DNAH11: variants seen among roughly 807,000 people sequenced by gnomAD.
DNAH11 encodes dynein axonemal heavy chain 11, also known as axonemal beta dynein heavy chain 11.
A neutral mutation model predicts 526.0 loss-of-function variants in DNAH11; 442 were observed. That is an observed-to-expected ratio of 0.84 (90% CI 0.78 to 0.91). DNAH11 has a LOEUF of 0.91. DNAH11 is among the 40% of genes least tolerant of loss of function. DNAH11 has a pLI of 0.00. For synonymous variants in DNAH11, 2,461 were observed against 1,935.9 expected, an observed-to-expected ratio of 1.27 and a Z score of -7.12; for missense variants, 6,989 against 5,448.7, an observed-to-expected ratio of 1.28 and a Z score of -8.90.
Position 21,591,574 on chromosome 7 carries a change from C to G in DNAH11, c.2664C>G (p.Val888=). 6.4e-7 allele frequency: 1 copy of G among 1,554,666 alleles called. No homozygotes were observed. The highest frequency in any genetic ancestry group is 8.7e-7 in the Non-Finnish European group (1 of 1,147,308). ...QGDGCKIHNL[V]EENRKLFKAN... ...ATGGCTGCAAGATCCACAACTTGGT[C>G]GAGGTAATGGCTTTTAACCTTTCAA... Residue 888 remains valine (V), a synonymous_variant, in exon 14 of 82, where the codon GTC becomes GTG. Coordinates refer to ENST00000409508, the MANE Select transcript of DNAH11 (RefSeq NM_001277115.2).
Position 21,901,355 on chromosome 7 carries a change from C to T in DNAH11, c.*101C>T. The T allele has an allele frequency of 1.5e-6, 2 of 1,375,158 alleles. No homozygotes were observed. The highest frequency in any genetic ancestry group is 1.9e-6 in the Non-Finnish European group (2 of 1,053,728). 85.2% of individuals were successfully genotyped at this position (1,375,158 alleles called of 1,614,324 possible). On this transcript the variant is annotated 3_prime_UTR_variant, in exon 82 of 82. Coordinates refer to ENST00000409508, the MANE Select transcript of DNAH11 (RefSeq NM_001277115.2). ...GCACATTATTCTAACTTTTTAGTAA[C>T]TCACACGTGCATTCTTTTTTCAACG... is the stretch of plus-strand genomic sequence containing the variant.
intron 40 of DNAH11, among the ~76,000 whole-genome samples, chr7:21,708,632 G>A (rs114866100): frequency 0.017 from 2,563 of 152,050 alleles, 69 homozygotes; most frequent in African/African-American, 0.059. Context: ...CCCTGCCCCC[G>A]TCCCCAAATC....
At chr7:21,670,297 T>C (rs1438139265) in intron 30 of DNAH11, among the ~76,000 whole-genome samples, 1 of 152,018 alleles carries the variant, frequency 6.6e-6, no homozygotes, top group East Asian at 1.9e-4. Context: ...TTTATTCTAT[T>C]TTATATAATA....
rs770327227 is a variant in DNAH11 at position 21,739,655 on chromosome 7, C to T, written c.7896C>T (p.Thr2632=). The T allele has an allele frequency of 1.1e-5, 17 of 1,612,552 alleles. 1 individual carries two copies. In the South Asian group the frequency reaches 1.5e-4, roughly 15 times the overall value. Residue 2632 remains threonine (T), a synonymous_variant, in exon 48 of 82, where the codon ACC becomes ACT. Coordinates refer to ENST00000409508, the MANE Select transcript of DNAH11 (RefSeq NM_001277115.2). ...TGAATCCGATGGTGGGCAGCTTCAC[C>T]ATCAATCCCAGGCTACAGGTAGGGT... ...ACMNPMVGSF[T]INPRLQRHFT...
chr7:21,598,306 C>T (rs914573725), intron 14 of DNAH11, among the ~76,000 whole-genome samples: 1 of 152,142 alleles, frequency 6.6e-6, no homozygotes, highest in Non-Finnish European at 1.5e-5. Flanking sequence ...GCCACTCAGC[C>T]TCTCTAGAAT....
In DNAH11 at chr7:21,866,471, C is replaced by T. The variant is rs373626566; in HGVS notation, c.11498C>T (p.Ala3833Val). 23 of 1,609,022 alleles carry T rather than the reference C, an allele frequency of 1.4e-5. No homozygotes were observed. The African/African-American group carries it at 2.1e-4, about 15-fold the overall frequency. ...ACTTGTTTCCCTATCATATTACAGG[C>T]AATTGCCGTCATGGAAGAATTTCGA... is the stretch of plus-strand genomic sequence containing the variant. Reference protein sequence around the residue: ...LTSQSWSAIKAIAVMEEFRGI... With the variant: ...LTSQSWSAIKVIAVMEEFRGI... Residue 3833 changes from alanine to valine, a missense_variant and splice_region_variant, in exon 71 of 82, where the codon GCA becomes GTA. Transcript: ENST00000409508.
intron 56 of DNAH11, among the ~76,000 whole-genome samples, chr7:21,775,675 C>G (rs1168475238): frequency 6.6e-6 from 1 of 151,602 alleles, no homozygotes; most frequent in Admixed American, 6.6e-5. Context: ...ATTTTACTTT[C>G]TTAACTTTTG....
intron 45 of DNAH11, among the ~76,000 whole-genome samples, 159 bp downstream of exon 45, chr7:21,726,143 A>T (rs1261447960): frequency 1.3e-5 from 2 of 152,212 alleles, no homozygotes; most frequent in African/African-American, 4.8e-5. Context: ...GCTTCTGGGA[A>T]GGCCTCAGAA....
chr7:21,597,197 T>C (rs1784893752), intron 14 of DNAH11, among the ~76,000 whole-genome samples: 2 of 152,152 alleles, frequency 1.3e-5, no homozygotes, highest in Non-Finnish European at 2.9e-5. Context: ...TTTATCCGAA[T>C]GTGCTGAAGA....
Position 21,600,825 on chromosome 7 carries a change from G to A in DNAH11, c.3150G>A (p.Lys1050=). 1 of 1,613,918 alleles carries A rather than the reference G, an allele frequency of 6.2e-7. No individual in the cohort carries two copies. Reference sequence around the variant, plus strand: ...TGGATGATCGAGCTGAGTTTATGAAGCATTTTCTCTTGTATGGCCATGCTG... The same window carrying A: ...TGGATGATCGAGCTGAGTTTATGAAACATTTTCTCTTGTATGGCCATGCTG... ...LWVDDRAEFM[K]HFLLYGHAVS... The change falls in exon 16 of 82, where the codon AAG becomes AAA. Residue 1050 remains lysine, a synonymous_variant. Transcript: ENST00000409508.
At position 21,901,358 on chromosome 7, in the gene DNAH11, ACACGTGCATT is replaced by A; in HGVS notation, c.*106_*115del. The A allele has an allele frequency of 1.5e-6, 2 of 1,369,946 alleles. No individual in the cohort carries two copies. The highest frequency in any genetic ancestry group is 1.9e-6 in the Non-Finnish European group (2 of 1,050,572). The allele number at this position is 1,369,946 out of a possible 1,614,324, so 84.9% of individuals were successfully genotyped here. On this transcript the variant is annotated 3_prime_UTR_variant, in exon 82 of 82. Transcript: ENST00000409508. ...CATTATTCTAACTTTTTAGTAACTCACACGTGCATTCTTTTTTCAACGCTATCCTTAGAGT... is the reference window on the plus strand; with the variant it reads ...CATTATTCTAACTTTTTAGTAACTCACTTTTTTCAACGCTATCCTTAGAGT...
intron 28 of DNAH11, among the ~76,000 whole-genome samples, chr7:21,643,086 A>G (rs969536746): frequency 2.6e-5 from 4 of 152,200 alleles, no homozygotes; most frequent in Admixed American, 1.3e-4. Flanking sequence ...TAAAACTTAA[A>G]GGTGTATTTG....
chr7:21,852,514 T>C lies in DNAH11; in HGVS notation c.10944T>C (p.Tyr3648=), dbSNP rs760969439. 15 of 1,613,548 alleles carry C rather than the reference T, an allele frequency of 9.3e-6. No homozygotes were observed. In the South Asian group the frequency reaches 1.5e-4, roughly 17 times the overall value. ...ATGATTTTAAAATTGAGCTCAAGTA[T>C]CTGGAAGACGATCTCCTTTTGCGCC... The part of the protein sequence containing the change: ...HQNDFKIELK[Y]LEDDLLLRLS... Residue 3648 remains tyrosine (Y), a synonymous_variant, in exon 67 of 82, where the codon TAT becomes TAC. Transcript: ENST00000409508.
chr7:21,670,482 A>G (rs1340000716), intron 30 of DNAH11, among the ~76,000 whole-genome samples: 1 of 152,148 alleles, frequency 6.6e-6, no homozygotes, highest in East Asian at 1.9e-4. Flanking sequence ...ATCTGTAAGT[A>G]ATGACAGTTT....
In DNAH11 at chr7:21,816,595, A is replaced by T. The variant is rs1033622880; in HGVS notation, c.10461A>T (p.Thr3487=). 4 of 1,613,688 alleles carry T rather than the reference A, an allele frequency of 2.5e-6. No homozygotes were observed. The East Asian group carries it at 8.9e-5, about 36-fold the overall frequency. ...RMSTENAAIL[T]HCERWPLVID... ...CCACCGAAAATGCCGCTATCCTAAC[A>T]CACTGTGAGCGCTGGCCTCTGGTGA... Residue 3487 remains threonine, a synonymous_variant, in exon 64 of 82, where the codon ACA becomes ACT. Transcript: ENST00000409508.
chr7:21,788,749 TA>T (rs762093338), intron 60 of DNAH11, among the ~76,000 whole-genome samples: 3 of 152,226 alleles, frequency 2.0e-5, no homozygotes, highest in African/African-American at 4.8e-5. Context: ...TTTTCTGCCT[TA>T]AAGGCCAGAC....
intron 18 of DNAH11, among the ~76,000 whole-genome samples, chr7:21,602,548 T>C (rs1341551241): frequency 1.3e-5 from 2 of 148,662 alleles, no homozygotes; most frequent in East Asian, 2.0e-4. Flanking sequence ...AATATTGATA[T>C]TTTATAGATT....
In DNAH11 at chr7:21,873,335, A is replaced by T. The variant is rs779965835; in HGVS notation, c.12029A>T (p.Gln4010Leu). The T allele has an allele frequency of 6.2e-7, 1 of 1,612,416 alleles. No individual in the cohort carries two copies. Residue 4010 changes from glutamine (Q) to leucine (L), a missense_variant, in exon 74 of 82, where the codon CAA becomes CTA. Coordinates refer to ENST00000409508, the MANE Select transcript of DNAH11 (RefSeq NM_001277115.2). ...GAGAAGCTCCTTGAAAGATTCAGCC[A>T]AGGAAGCCACAGAGATTACAGGGTT... ...TLEKLLERFS[Q>L]GSHRDYRVFM...
At chr7:21,755,525 T>G (rs1156838988) in intron 54 of DNAH11, among the ~76,000 whole-genome samples, 1 of 152,138 alleles carries the variant, frequency 6.6e-6, no homozygotes, top group Non-Finnish European at 1.5e-5. Context: ...TATATAGTTA[T>G]CCATTTCTGA....
Sources: gnomAD v4.1 joint callset for allele counts (sites outside exome capture counted in the v4.1 genomes callset) on GRCh38, gnomAD v4.1.1 for gene constraint, MANE v1.5 for transcripts, NCBI Gene and HGNC (gene_info 2026-07-23, HGNC 2026-07-21) for gene names.